TMTC2: variants seen among roughly 807,000 people sequenced by gnomAD.
The protein encoded by TMTC2 is protein O-mannosyl-transferase TMTC2.
A neutral mutation model predicts 82.4 loss-of-function variants in TMTC2; 43 were observed. That is an observed-to-expected ratio of 0.52 (90% CI 0.41 to 0.67). TMTC2 has a LOEUF of 0.67. TMTC2 is among the 30% of genes least tolerant of loss of function. TMTC2 has a pLI of 0.00. For synonymous variants in TMTC2, 408 were observed against 381.9 expected (o/e 1.07, Z -0.80); for missense variants, 919 against 1,012.4 (o/e 0.91, Z 1.25).
chr12:82,938,079 A>T (rs1876504957), intron 4 of TMTC2, among the ~76,000 whole-genome samples: 1 of 151,342 alleles, frequency 6.6e-6, no homozygotes, highest in South Asian at 2.1e-4. Flanking sequence ...ACACCCGGCT[A>T]ATTTTTGTAT....
At chr12:82,885,505 G>T (rs1246067746) in intron 2 of TMTC2, among the ~76,000 whole-genome samples, 2 of 151,650 alleles carry the variant, frequency 1.3e-5, no homozygotes, top group Admixed American at 6.6e-5. Flanking sequence ...GAGTAGCTGG[G>T]AATACAGGTG....
rs572670466 is a variant in TMTC2 at position 82,841,536 on chromosome 12, G to A, written c.84-15474G>A. On this transcript the variant is annotated intron_variant, in intron 1 of 11. Transcript: ENST00000321196. ...GCCTATCTGTTTTTCATCAGCGCTC[G>A]CATATCCGTGTGTCCGAAAAAACTC... Among the ~76,000 whole-genome samples the A allele has an allele frequency of 9.9e-5, 15 of 152,166 alleles. No individual in the cohort carries two copies. In the South Asian group the frequency reaches 1.9e-3, roughly 19 times the overall value.
intron 8 of TMTC2, among the ~76,000 whole-genome samples, chr12:83,014,635 A>G (rs1160642835): frequency 6.6e-6 from 1 of 152,172 alleles, no homozygotes; most frequent in Non-Finnish European, 1.5e-5. Flanking sequence ...CAGTCCTGGA[A>G]TGCTATTTTA....
chr12:82,860,778 G>A (rs1432968694), intron 2 of TMTC2, among the ~76,000 whole-genome samples: 2 of 152,234 alleles, frequency 1.3e-5, no homozygotes, highest in Non-Finnish European at 1.5e-5. Flanking sequence ...TTGACAGCAT[G>A]TGAAATAAGG....
chr12:82,694,402 T>G (rs564374785), intron 1 of TMTC2, among the ~76,000 whole-genome samples: 1 of 152,356 alleles, frequency 6.6e-6, no homozygotes, highest in South Asian at 2.1e-4. Flanking sequence ...TTTACTTTTC[T>G]TGAAGGTTAT....
chr12:82,832,568 T>G (rs1869812340), intron 1 of TMTC2, among the ~76,000 whole-genome samples: 2 of 152,146 alleles, frequency 1.3e-5, no homozygotes, highest in African/African-American at 4.8e-5. Context: ...CTGGAGTGTA[T>G]CTTCCATAAT....
At chr12:82,964,541 T>A (rs1052357162) in intron 4 of TMTC2, among the ~76,000 whole-genome samples, 2 of 152,160 alleles carry the variant, frequency 1.3e-5, no homozygotes, top group Non-Finnish European at 1.5e-5. Context: ...TGTGACTCTC[T>A]TTTTGCTATT....
intron 11 of TMTC2, among the ~76,000 whole-genome samples, chr12:83,089,493 C>T (rs979041826): frequency 6.6e-6 from 1 of 152,136 alleles, no homozygotes; most frequent in Non-Finnish European, 1.5e-5. Flanking sequence ...CTAATTCACA[C>T]ACATTTTTAT....
intron 1 of TMTC2, among the ~76,000 whole-genome samples, chr12:82,795,724 C>T (rs1422846970): frequency 2.0e-5 from 3 of 152,118 alleles, no homozygotes; most frequent in East Asian, 3.9e-4. Context: ...ATGTTTCTCC[C>T]TTTCTGGGGA....
chr12:83,010,124 G>A (rs1271630165), intron 8 of TMTC2, among the ~76,000 whole-genome samples: 7 of 152,134 alleles, frequency 4.6e-5, no homozygotes, highest in Non-Finnish European at 1.0e-4. Flanking sequence ...GGGGGTTGGG[G>A]ACCCTTGTAA....
intron 2 of TMTC2, among the ~76,000 whole-genome samples, chr12:82,874,435 G>A (rs573746346): frequency 1.8e-4 from 28 of 152,110 alleles, no homozygotes; most frequent in African/African-American, 5.8e-4. Flanking sequence ...TCATAATTTC[G>A]TCTCTTTGAA....
At chr12:82,754,658 A>G (rs1478994940) in intron 1 of TMTC2, among the ~76,000 whole-genome samples, 1 of 151,926 alleles carries the variant, frequency 6.6e-6, no homozygotes, top group Non-Finnish European at 1.5e-5. Flanking sequence ...AATCGCTTGA[A>G]CCTGTGAGGC....
intron 1 of TMTC2, among the ~76,000 whole-genome samples, chr12:82,744,547 T>C (rs1189122257): frequency 8.1e-6 from 1 of 122,738 alleles, no homozygotes; most frequent in Non-Finnish European, 1.6e-5. Flanking sequence ...ATTATACCAC[T>C]GCACTCCAGC....
chr12:83,025,204 A>C (rs1435125786), intron 8 of TMTC2, among the ~76,000 whole-genome samples: 1 of 26,314 alleles, frequency 3.8e-5, no homozygotes, highest in African/African-American at 8.2e-5. Flanking sequence ...CTGTCTCAAA[A>C]AAAAAAAGAA....
At chr12:82,904,896 T>C (rs902969682) in intron 3 of TMTC2, among the ~76,000 whole-genome samples, 7 of 152,132 alleles carry the variant, frequency 4.6e-5, no homozygotes, top group Non-Finnish European at 4.4e-5. Context: ...TGGTTTTGAC[T>C]ATCTTTCTCC....
chr12:82,786,323 A>T (rs538324323), intron 1 of TMTC2, among the ~76,000 whole-genome samples: 25 of 152,190 alleles, frequency 1.6e-4, no homozygotes, highest in African/African-American at 5.5e-4. Context: ...CCCCTCCCCC[A>T]GTTTAAATAA....
intron 1 of TMTC2, among the ~76,000 whole-genome samples, chr12:82,735,732 C>T (rs935140264): frequency 6.6e-5 from 10 of 151,522 alleles, no homozygotes; most frequent in South Asian, 2.1e-4. Context: ...CTTGGGAGCC[C>T]GAGTCAGGTG....
chr12:82,888,316 A>G (rs1873208393), intron 2 of TMTC2, among the ~76,000 whole-genome samples: 1 of 152,232 alleles, frequency 6.6e-6, no homozygotes, highest in South Asian at 2.1e-4. Context: ...ATATGCTACT[A>G]CTTTAATGTG....
rs183809941 is a variant in TMTC2, at chr12:82,869,688, A to C, written c.654+12108A>C. ...ACCCCATCTTTACAATAAATACAAA[A>C]ATTAGCAGCATGCAGTGGTGTGCAC... On this transcript the variant is annotated intron_variant, in intron 2 of 11. Transcript: ENST00000321196. Among the ~76,000 whole-genome samples the C allele has an allele frequency of 1.0e-3, 155 of 151,898 alleles. 1 individual carries two copies. The highest frequency in any genetic ancestry group is 3.5e-3 in the African/African-American group (147 of 41,420).
Sources: allele counts gnomAD v4.1 joint callset (sites outside exome capture counted in the v4.1 genomes callset), GRCh38; gene constraint gnomAD v4.1.1; transcripts MANE v1.5; gene names NCBI Gene and HGNC (gene_info 2026-07-23, HGNC 2026-07-21).